The following METTL21C variants were observed in gnomAD, a reference collection of about 807,000 sequenced individuals.
METTL21C encodes the protein protein-lysine methyltransferase METTL21C.
In METTL21C, 21 loss-of-function variants were observed where a neutral mutation model predicts 25.9. That is an observed-to-expected ratio of 0.81 (90% CI 0.58 to 1.17). The LOEUF (loss-of-function observed/expected upper bound fraction) is 1.17, where lower values mean the gene tolerates loss of function less well. Ranked by LOEUF, METTL21C falls within the 50% of genes most tolerant of loss-of-function variation. The pLI, the probability that METTL21C is intolerant of heterozygous loss-of-function variation, is 0.00. For missense variants in METTL21C, 312 were observed against 315.1 expected, an observed-to-expected ratio of 0.99 and a Z score of 0.07; for synonymous variants, 125 against 124.7, an observed-to-expected ratio of 1.00 and a Z score of -0.01.
chr13:102,689,064 T>C (rs1191337369), intron 2 of METTL21C, among the ~76,000 whole-genome samples: 1 of 151,944 alleles, frequency 6.6e-6, no homozygotes, highest in Non-Finnish European at 1.5e-5. Flanking sequence ...GGGACAAATA[T>C]TCTTTTTTCA....
Position 102,688,688 on chromosome 13 carries a change from T to C in METTL21C, c.283-1631A>G, listed in dbSNP as rs527970754. The stretch of plus-strand genomic sequence containing the variant: ...TGCTGTGGGGGCTGGGAGGAGGGGG[T>C]CAATGTCAGGAAAAGAGTGTCACCT... On this transcript the variant is annotated intron_variant, in intron 2 of 3. Transcript: ENST00000267273. Among the ~76,000 whole-genome samples the C allele has an allele frequency of 2.6e-5, 4 of 151,124 alleles. No individual in the cohort carries two copies. In the South Asian group the frequency reaches 6.3e-4, roughly 24 times the overall value.
intron 1 of METTL21C, among the ~76,000 whole-genome samples, chr13:102,693,699 T>A (rs1005552334): frequency 2.6e-5 from 4 of 152,260 alleles, no homozygotes; most frequent in Non-Finnish European, 5.9e-5. Flanking sequence ...TATGTTTTTG[T>A]GCCTGAAATA....
At chr13:102,695,230 G>C (rs1221506322), upstream of METTL21C, among the ~76,000 whole-genome samples, 1 of 152,126 alleles carries the variant, frequency 6.6e-6, no homozygotes, top group East Asian at 1.9e-4. Flanking sequence ...AATGCTTTGG[G>C]GAGGAAGAAA....
intron 2 of METTL21C, among the ~76,000 whole-genome samples, chr13:102,687,820 G>T (rs1885715811): frequency 6.6e-6 from 1 of 152,140 alleles, no homozygotes; most frequent in African/African-American, 2.4e-5. Flanking sequence ...AACAAATATT[G>T]TTAGTTTTTT....
chr13:102,688,794 G>GCTGGCCGCAGGGTGT (rs1291990549), intron 2 of METTL21C, among the ~76,000 whole-genome samples: 1 of 152,202 alleles, frequency 6.6e-6, no homozygotes, highest in Non-Finnish European at 1.5e-5. Context: ...CCTGTGAGGG[G>GCTGGCCGCAGGGTGT]CTGGCCGCAG....
chr13:102,703,901 C>T, the METTL21C span, among the ~76,000 whole-genome samples: 3 of 152,188 alleles, frequency 2.0e-5, no homozygotes, highest in African/African-American at 7.2e-5. Context: ...TCAGGGAAGA[C>T]CTCTTCCCTA....
In METTL21C at chr13:102,685,955, G is replaced by T. The variant is rs1595241078; in HGVS notation, c.*76C>A. On this transcript the variant is annotated 3_prime_UTR_variant, in exon 4 of 4. Coordinates refer to ENST00000267273, the MANE Select transcript of METTL21C (RefSeq NM_001010977.3). ...GCACTACCTTCTCAATCCTGTGAAA[G>T]AAGTCTATTACCAAAGCAATTTCTA... The T allele has an allele frequency of 1.4e-6, 2 of 1,435,740 alleles. No individual in the cohort carries two copies. Among genetic ancestry groups the T allele is most frequent in the African/African-American group, 1.4e-5 (1 of 70,176 alleles). 88.9% of individuals were successfully genotyped at this position (1,435,740 alleles called of 1,614,324 possible).
Position 102,685,794 on chromosome 13 carries a change from C to T in METTL21C, c.*237G>A, listed in dbSNP as rs1331956902. ...ATTAAACATGTAACTTCGTTGGAAC[C>T]AACAAAGCTACTTTCATGTTTTTAT... On this transcript the variant is annotated 3_prime_UTR_variant, in exon 4 of 4. Coordinates refer to ENST00000267273, the MANE Select transcript of METTL21C (RefSeq NM_001010977.3). 2.3e-6 allele frequency: 1 copy of T among 427,530 alleles called. No homozygotes were observed. Among genetic ancestry groups the T allele is most frequent in the Non-Finnish European group, 4.1e-6 (1 of 244,176 alleles). The allele number at this position is 427,530 out of a possible 1,614,324, so 26.5% of individuals were successfully genotyped here.
chr13:102,689,095 A>AAT (rs1555308796), intron 2 of METTL21C, among the ~76,000 whole-genome samples: 1 of 151,530 alleles, frequency 6.6e-6, no homozygotes, highest in African/African-American at 2.4e-5. Flanking sequence ...TTTTTTTTAA[A>AAT]ATTATTATTT....
At chr13:102,689,119 G>C (rs1200421017) in intron 2 of METTL21C, among the ~76,000 whole-genome samples, 6 of 151,954 alleles carry the variant, frequency 3.9e-5, no homozygotes, top group African/African-American at 1.5e-4. Flanking sequence ...AAAGGGAGAT[G>C]GGGTCTCACT....
At chr13:102,691,673 A>T (rs1348502508) in intron 1 of METTL21C, among the ~76,000 whole-genome samples, 1 of 152,108 alleles carries the variant, frequency 6.6e-6, no homozygotes, top group Non-Finnish European at 1.5e-5. Flanking sequence ...TAGGTCTTGA[A>T]GTGAAGTAAC....
the METTL21C span, among the ~76,000 whole-genome samples, chr13:102,701,155 A>C: frequency 1.3e-5 from 2 of 151,950 alleles, no homozygotes; most frequent in East Asian, 3.9e-4. Context: ...ACGTTCTCCC[A>C]TGAGGCCATG....
intron 2 of METTL21C, among the ~76,000 whole-genome samples, chr13:102,689,453 AC>A (rs1885770708): frequency 6.6e-6 from 1 of 152,190 alleles, no homozygotes; most frequent in Admixed American, 6.5e-5. Context: ...CCCTTTGGCT[AC>A]CCTTCTCCCC....
In METTL21C at chr13:102,686,144, T is replaced by C. The variant is rs145510579; in HGVS notation, c.682A>G (p.Ser228Gly). 298 of 1,614,090 alleles carry C rather than the reference T, an allele frequency of 1.8e-4. 1 individual carries two copies. Among genetic ancestry groups the C allele is most frequent in the Non-Finnish European group, 3.1e-5 (37 of 1,180,040 alleles). The change falls in exon 4 of 4, where the codon AGC becomes GGC. Residue 228 changes from serine to glycine, a missense_variant. By Grantham distance (56) the Ser-to-Gly change is moderately conservative. Coordinates refer to ENST00000267273, the MANE Select transcript of METTL21C (RefSeq NM_001010977.3). ...TTATCTAAAAATTCATAGTCGGTGC[T>C]GAACCTGAATTTGTTTGCCCAAAGC... ...VLLWANKFRF[S>G]TDYEFLDKFK...
the METTL21C span, among the ~76,000 whole-genome samples, chr13:102,702,232 AAG>A: frequency 0.11 from 16,770 of 149,322 alleles, 2,834 homozygotes; most frequent in African/African-American, 0.38. Context: ...GAGAGACAGA[AAG>A]AGAGAGAGAG....
At chr13:102,697,519 C>T (rs1473642725), upstream of METTL21C, among the ~76,000 whole-genome samples, 5 of 152,230 alleles carry the variant, frequency 3.3e-5, no homozygotes, top group East Asian at 7.7e-4. Context: ...AAGGGTAAAC[C>T]ACAATTACCA....
chr13:102,695,439 T>A (rs1595247504), upstream of METTL21C, among the ~76,000 whole-genome samples: 1 of 152,228 alleles, frequency 6.6e-6, no homozygotes, highest in South Asian at 2.1e-4. Context: ...CAGAAACCCT[T>A]AAAATAGAAT....
the METTL21C span, among the ~76,000 whole-genome samples, chr13:102,703,488 T>C: frequency 6.6e-6 from 1 of 152,212 alleles, no homozygotes; most frequent in Non-Finnish European, 1.5e-5. Flanking sequence ...TTTGTCAAAA[T>C]AAATGGAAAG....
upstream of METTL21C, among the ~76,000 whole-genome samples, chr13:102,698,567 C>A (rs7995079): frequency 0.1 from 15,410 of 152,058 alleles, 2,335 homozygotes; most frequent in African/African-American, 0.33. Context: ...GAAGGACCCC[C>A]CAAGAAGCTG....
Sources: gnomAD v4.1 joint callset for allele counts (sites outside exome capture counted in the v4.1 genomes callset) on GRCh38, gnomAD v4.1.1 for gene constraint, MANE v1.5 for transcripts, NCBI Gene and HGNC (gene_info 2026-07-23, HGNC 2026-07-21) for gene names.